Variants in EHHADH observed in about 807,000 individuals in gnomAD.
The protein encoded by EHHADH is peroxisomal bifunctional enzyme.
Under a neutral mutation model 64.4 loss-of-function variants are expected in EHHADH, and 48 were observed. The observed-to-expected ratio is 0.75, with a 90% CI of 0.59 to 0.95. The LOEUF (loss-of-function observed/expected upper bound fraction) is 0.95. Ranked by LOEUF, EHHADH falls within the 40% of genes least tolerant of loss-of-function variation. EHHADH has a pLI of 0.00. For missense variants in EHHADH, 854 were observed against 876.6 expected (o/e 0.97, Z 0.33); for synonymous variants, 308 against 326.7 (o/e 0.94, Z 0.62).
rs35411232 is a variant in EHHADH at position 185,202,338 on chromosome 3, C to CA, written c.910+2077dup. ...TGGGTGACAGAGCGAAACTCCATAT[C>CA]AAAAAAAAAAAAAAAAAAATCCCAA... On this transcript the variant is annotated intron_variant, in intron 6 of 6. Coordinates refer to ENST00000231887, the MANE Select transcript of EHHADH (RefSeq NM_001966.4). Among the ~76,000 whole-genome samples the CA allele has an allele frequency of 1.1e-3, 145 of 126,264 alleles. 4 individuals carry two copies. The highest frequency in any genetic ancestry group is 3.7e-3 in the South Asian group (14 of 3,816). 82.8% of individuals were successfully genotyped at this position (126,264 alleles called of 152,430 possible). A position where few individuals can be genotyped will look rare whatever the true frequency, so the allele number is the denominator to read the frequency against.
chr3:185,231,697 G>A (rs1719136233), intron 3 of EHHADH, among the ~76,000 whole-genome samples: 1 of 151,622 alleles, frequency 6.6e-6, no homozygotes, highest in African/African-American at 2.4e-5. Context: ...GCCAGTCACA[G>A]GAGACCACAT....
At chr3:185,253,884 C>G in intron 1 of EHHADH, 65 bp downstream of exon 1, 4 of 1,594,718 alleles carry the variant, frequency 2.5e-6, no homozygotes, top group Non-Finnish European at 2.6e-6. Flanking sequence ...GAGTCAAAGC[C>G]TCCGGAGCCA....
In EHHADH at chr3:185,193,464, T is replaced by C; in HGVS notation, c.934A>G (p.Ile312Val). The change falls in exon 7 of 7, where the codon ATT (isoleucine) becomes GTT (valine). Residue 312 changes from isoleucine to valine, a missense_variant. Physicochemically the swap from Ile to Val is conservative, Grantham distance 29. Coordinates refer to ENST00000231887, the MANE Select transcript of EHHADH (RefSeq NM_001966.4). ...VVGLGTMGRGIVISFARARIP... is the reference protein window; with the variant it reads ...VVGLGTMGRGVVISFARARIP... Reference sequence around the variant, plus strand: ...CTGGCCCTTGCAAAAGAAATGACAATGCCTCGGCCCATTGTTCCCAAGCCT... The same window carrying C: ...CTGGCCCTTGCAAAAGAAATGACAACGCCTCGGCCCATTGTTCCCAAGCCT... 1 of 1,614,116 alleles carries C rather than the reference T, an allele frequency of 6.2e-7. No individual in the cohort carries two copies. The highest frequency in any genetic ancestry group is 8.5e-7 in the Non-Finnish European group (1 of 1,180,002).
intron 2 of EHHADH, 33 bp downstream of exon 2, chr3:185,248,381 A>C: frequency 6.8e-6 from 10 of 1,466,238 alleles, no homozygotes; most frequent in Non-Finnish European, 7.7e-6. Flanking sequence ...GCTGGATTCC[A>C]GAGATGGTGG....
At chr3:185,238,572 T>C (rs565954431) in intron 2 of EHHADH, among the ~76,000 whole-genome samples, 109 of 152,256 alleles carry the variant, frequency 7.2e-4, no homozygotes, top group African/African-American at 2.5e-3. Flanking sequence ...AATGTATATG[T>C]CCTATGTGTA....
At chr3:185,252,871 T>G (rs947448981) in intron 1 of EHHADH, among the ~76,000 whole-genome samples, 3 of 152,190 alleles carry the variant, frequency 2.0e-5, no homozygotes, top group African/African-American at 7.2e-5. Flanking sequence ...TGATAAATTA[T>G]AATTTCCACT....
At chr3:185,246,388 T>C in intron 2 of EHHADH, 1 of 619,352 alleles carries the variant, frequency 1.6e-6, no homozygotes. Flanking sequence ...GGCTTCTTCT[T>C]CTTCTTTTCT....
chr3:185,242,445 G>A (rs1719480595), intron 2 of EHHADH, among the ~76,000 whole-genome samples: 1 of 152,130 alleles, frequency 6.6e-6, no homozygotes, highest in African/African-American at 2.4e-5. Context: ...CACCAAAACA[G>A]CATGGTACTA....
chr3:185,245,670 G>A (rs1015496079), intron 2 of EHHADH: 25 of 717,570 alleles, frequency 3.5e-5, no homozygotes, highest in Non-Finnish European at 5.6e-5. Flanking sequence ...ATCTGTTTTT[G>A]TTGGAATCTT....
intron 5 of EHHADH, among the ~76,000 whole-genome samples, chr3:185,210,940 C>T (rs1718525757): frequency 6.6e-6 from 1 of 152,182 alleles, no homozygotes; most frequent in South Asian, 2.1e-4. Context: ...GAAAACCTCG[C>T]AGACTGCATA....
chr3:185,245,817 A>C (rs1719578894), intron 2 of EHHADH: 1 of 769,622 alleles, frequency 1.3e-6, no homozygotes, highest in African/African-American at 1.7e-5. Flanking sequence ...GTTCCTACTC[A>C]GACGACCTGT....
At chr3:185,226,650 C>CA (rs59522852) in intron 4 of EHHADH, among the ~76,000 whole-genome samples, 35,052 of 133,092 alleles carry the variant, frequency 0.26, 6,017 homozygotes, top group East Asian at 0.56. Context: ...ACTCCATCTC[C>CA]AAAAAAAAAA....
chr3:185,237,313 T>C (rs550173209), intron 2 of EHHADH, among the ~76,000 whole-genome samples: 1 of 152,352 alleles, frequency 6.6e-6, no homozygotes, highest in South Asian at 2.1e-4. Flanking sequence ...TTCTGAATAA[T>C]GAAGTTTTGT....
intron 4 of EHHADH, 74 bp downstream of exon 4, chr3:185,229,358 A>G: frequency 1.0e-6 from 1 of 980,542 alleles, no homozygotes; most frequent in Non-Finnish European, 1.4e-6. Flanking sequence ...TAGGTGGTCA[A>G]GCCAGAATTT....
intron 2 of EHHADH, chr3:185,245,721 AC>A: frequency 2.9e-6 from 2 of 700,486 alleles, no homozygotes; most frequent in East Asian, 5.0e-5. Flanking sequence ...AACCACTTGT[AC>A]CCAATTCAAC....
intron 5 of EHHADH, among the ~76,000 whole-genome samples, chr3:185,215,027 G>A (rs1212163854): frequency 6.6e-6 from 1 of 152,138 alleles, no homozygotes; most frequent in Non-Finnish European, 1.5e-5. Context: ...GCATTCTAAT[G>A]AGAGCTTATT....
chr3:185,232,448 A>AT (rs898988000), intron 3 of EHHADH, among the ~76,000 whole-genome samples: 13 of 151,792 alleles, frequency 8.6e-5, no homozygotes, highest in Non-Finnish European at 1.6e-4. Context: ...ACTTATAATG[A>AT]TTTTTTTTCT....
chr3:185,241,287 G>A (rs956549483), intron 2 of EHHADH, among the ~76,000 whole-genome samples: 9 of 152,004 alleles, frequency 5.9e-5, no homozygotes, highest in Admixed American at 1.3e-4. Flanking sequence ...TATCTTTTTC[G>A]TATGACTTTT....
chr3:185,252,059 G>C (rs116020269), intron 1 of EHHADH, among the ~76,000 whole-genome samples: 1 of 152,146 alleles, frequency 6.6e-6, no homozygotes. Flanking sequence ...TGGCACAGGT[G>C]GTTGCATGGG....
Sources: allele counts gnomAD v4.1 joint callset (sites outside exome capture counted in the v4.1 genomes callset), GRCh38; gene constraint gnomAD v4.1.1; transcripts MANE v1.5; gene names NCBI Gene and HGNC (gene_info 2026-07-23, HGNC 2026-07-21).